Variants in CACNA2D3 observed in about 807,000 individuals in gnomAD.
The protein encoded by CACNA2D3 is voltage-dependent calcium channel subunit alpha-2/delta-3.
In CACNA2D3, 60 loss-of-function variants were observed where a neutral mutation model predicts 160.6. The observed-to-expected ratio is 0.37, with a 90% CI of 0.30 to 0.46. The LOEUF (loss-of-function observed/expected upper bound fraction) is 0.46. Ranked by LOEUF, CACNA2D3 falls within the 20% of genes least tolerant of loss-of-function variation. The probability of loss-of-function intolerance (pLI) is 1.00; values close to 1 mark genes in which losing one functional copy is unlikely to be tolerated. For synonymous variants in CACNA2D3, 558 were observed against 492.9 expected (o/e 1.13, Z -1.75); for missense variants, 1,205 against 1,365.0 (o/e 0.88, Z 1.85).
intron 3 of CACNA2D3, among the ~76,000 whole-genome samples, chr3:54,321,578 C>G (rs758061820): frequency 6.6e-6 from 1 of 152,114 alleles, no homozygotes; most frequent in Admixed American, 6.5e-5. Flanking sequence ...TTGTATTATC[C>G]TTGTAACACC....
chr3:54,357,863 G>A (rs2884798), intron 3 of CACNA2D3, among the ~76,000 whole-genome samples: 4,651 of 152,302 alleles, frequency 0.031, 247 homozygotes, highest in African/African-American at 0.11. Context: ...TTCTGGAGAA[G>A]GAAAAACTGT....
intron 8 of CACNA2D3, among the ~76,000 whole-genome samples, chr3:54,580,979 G>A (rs1702666431): frequency 6.6e-6 from 1 of 152,184 alleles, no homozygotes; most frequent in Non-Finnish European, 1.5e-5. Flanking sequence ...AGTTTTAGGG[G>A]AAGGCTGATG....
At chr3:54,601,593 A>G (rs1232652690) in intron 9 of CACNA2D3, among the ~76,000 whole-genome samples, 1 of 152,086 alleles carries the variant, frequency 6.6e-6, no homozygotes, top group Non-Finnish European at 1.5e-5. Context: ...GATGTTTTTA[A>G]CAAGCTTCCA....
intron 11 of CACNA2D3, among the ~76,000 whole-genome samples, chr3:54,656,425 TG>T (rs1283596802): frequency 6.6e-6 from 1 of 152,198 alleles, no homozygotes; most frequent in Non-Finnish European, 1.5e-5. Context: ...TGCTGGTCTC[TG>T]GCAGTCAGAA....
At position 54,467,802 on chromosome 3, in the gene CACNA2D3, C is replaced by T. The variant is rs561667161; in HGVS notation, c.382-35690C>T. On this transcript the variant is annotated intron_variant, in intron 4 of 37. Transcript: ENST00000474759. ...GTTAGGAAGAATAAATGCTTGTGTTCCATTGCATAGTAGGATGATTAGAAT... is the reference window on the plus strand; with the variant it reads ...GTTAGGAAGAATAAATGCTTGTGTTTCATTGCATAGTAGGATGATTAGAAT... Among the ~76,000 whole-genome samples the T allele has an allele frequency of 7.9e-5, 12 of 152,136 alleles. No individual in the cohort carries two copies. The South Asian group carries it at 2.5e-3, about 32-fold the overall frequency.
intron 27 of CACNA2D3, among the ~76,000 whole-genome samples, chr3:54,927,672 C>G (rs568162925): frequency 2.6e-5 from 4 of 152,132 alleles, no homozygotes; most frequent in Admixed American, 2.6e-4. Flanking sequence ...TGAAATGGCC[C>G]GTGACATGCC....
At chr3:54,393,728 C>T (rs1437529296) in intron 4 of CACNA2D3, among the ~76,000 whole-genome samples, 1 of 152,214 alleles carries the variant, frequency 6.6e-6, no homozygotes, top group Non-Finnish European at 1.5e-5. Flanking sequence ...CCAGACTGAG[C>T]AGCCACACAT....
chr3:54,451,462 G>A (rs1369813541), intron 4 of CACNA2D3, among the ~76,000 whole-genome samples: 1 of 151,774 alleles, frequency 6.6e-6, no homozygotes, highest in Non-Finnish European at 1.5e-5. Context: ...AATGTCAAGT[G>A]GATTCATGCC....
chr3:54,572,004 G>A (rs1245026964), intron 8 of CACNA2D3, among the ~76,000 whole-genome samples: 1 of 152,142 alleles, frequency 6.6e-6, no homozygotes, highest in Non-Finnish European at 1.5e-5. Context: ...TGTTGCTGTG[G>A]TCTGCATGGC....
chr3:54,328,121 G>A (rs956739794), intron 3 of CACNA2D3, among the ~76,000 whole-genome samples: 4 of 152,170 alleles, frequency 2.6e-5, no homozygotes, highest in East Asian at 1.9e-4. Flanking sequence ...GGCTTTGGGT[G>A]TATCTTTCCA....
chr3:54,138,066 G>A (rs1207825217), intron 2 of CACNA2D3, among the ~76,000 whole-genome samples: 1 of 152,212 alleles, frequency 6.6e-6, no homozygotes, highest in Non-Finnish European at 1.5e-5. Flanking sequence ...GATCCCATGG[G>A]ACAGGTGCTC....
At chr3:54,758,245 C>T (rs1702011509) in intron 12 of CACNA2D3, among the ~76,000 whole-genome samples, 1 of 152,218 alleles carries the variant, frequency 6.6e-6, no homozygotes, top group Non-Finnish European at 1.5e-5. Flanking sequence ...CCTATTTCCC[C>T]AGTGTGTACC....
chr3:54,867,771 C>A (rs1394724263), intron 17 of CACNA2D3, among the ~76,000 whole-genome samples: 3 of 152,226 alleles, frequency 2.0e-5, no homozygotes, highest in Non-Finnish European at 4.4e-5. Flanking sequence ...ACCTTAGCAA[C>A]TCCTCTTTTC....
At chr3:54,952,395 C>T (rs989474972) in intron 27 of CACNA2D3, among the ~76,000 whole-genome samples, 3 of 152,154 alleles carry the variant, frequency 2.0e-5, no homozygotes. Context: ...GGTCTGGAGG[C>T]TCTGGAAGAT....
chr3:55,014,545 A>G (rs777219899), intron 34 of CACNA2D3, among the ~76,000 whole-genome samples: 4 of 152,154 alleles, frequency 2.6e-5, no homozygotes, highest in Non-Finnish European at 4.4e-5. Flanking sequence ...CCTGGCCAAC[A>G]TGGTGCAACC....
intron 18 of CACNA2D3, among the ~76,000 whole-genome samples, chr3:54,873,896 A>G (rs1699600294): frequency 1.3e-5 from 2 of 152,234 alleles, no homozygotes; most frequent in Non-Finnish European, 2.9e-5. Context: ...TACAGAAAGC[A>G]TCATTGTGAA....
At chr3:54,350,966 CT>C (rs1698542334) in intron 3 of CACNA2D3, among the ~76,000 whole-genome samples, 1 of 63,286 alleles carries the variant, frequency 1.6e-5, no homozygotes, top group Non-Finnish European at 3.6e-5. Flanking sequence ...GATCTTGAGT[CT>C]GTTTTTTTTT....
rs538081682 is a variant in CACNA2D3, at chr3:54,985,777, A to G, written c.2619+1107A>G. Among the ~76,000 whole-genome samples, 4 of 152,340 alleles carry G rather than the reference A, an allele frequency of 2.6e-5. No individual in the cohort carries two copies. The East Asian group carries it at 7.7e-4, about 29-fold the overall frequency. On this transcript the variant is annotated intron_variant, in intron 30 of 37. Coordinates refer to ENST00000474759, the MANE Select transcript of CACNA2D3 (RefSeq NM_018398.3). ...TCTGAAATGAATGGTTTGGTAATTT[A>G]TAAACAGGGGCTCCAGGAAACTTGA...
chr3:54,298,849 T>C (rs749980464), intron 2 of CACNA2D3, among the ~76,000 whole-genome samples: 13 of 148,994 alleles, frequency 8.7e-5, no homozygotes, highest in Non-Finnish European at 1.8e-4. Flanking sequence ...AGGAGATTAG[T>C]TGGGAGGATT....
Sources: gnomAD v4.1 joint callset for allele counts (sites outside exome capture counted in the v4.1 genomes callset) on GRCh38, gnomAD v4.1.1 for gene constraint, MANE v1.5 for transcripts, NCBI Gene and HGNC (gene_info 2026-07-23, HGNC 2026-07-21) for gene names.